Variants in CDYL observed in about 807,000 individuals in gnomAD.
CDYL encodes chromodomain Y like.
In CDYL, 8 loss-of-function variants were observed where a neutral mutation model predicts 47.3. The ratio of observed to expected loss-of-function variants is 0.17; its 90% CI spans 0.10 to 0.31. The LOEUF (loss-of-function observed/expected upper bound fraction) is 0.31. CDYL is among the 10% of genes least tolerant of loss of function. CDYL has a pLI of 1.00. For missense variants in CDYL, 471 were observed against 701.4 expected, an observed-to-expected ratio of 0.67 and a Z score of 3.71; for synonymous variants, 266 against 265.0, an observed-to-expected ratio of 1.00 and a Z score of -0.04.
intron 2 of CDYL, among the ~76,000 whole-genome samples, chr6:4,922,905 C>T (rs776014860): frequency 3.3e-5 from 5 of 152,174 alleles, no homozygotes; most frequent in African/African-American, 7.2e-5. Context: ...CCAGAGTCCT[C>T]GGGTGCCTGC....
chr6:4,905,844 T>C (rs1561700987), intron 2 of CDYL, among the ~76,000 whole-genome samples: 1 of 152,236 alleles, frequency 6.6e-6, no homozygotes, highest in Non-Finnish European at 1.5e-5. Context: ...ATTTGTAACA[T>C]GCATAGATTG....
chr6:4,812,337 A>C (rs1035196812), intron 1 of CDYL, among the ~76,000 whole-genome samples: 1 of 152,178 alleles, frequency 6.6e-6, no homozygotes, highest in Admixed American at 6.5e-5. Context: ...GAAGGACATT[A>C]AGGTTGTCTG....
chr6:4,773,107 G>A (rs1008869282), upstream of CDYL: 4 of 457,206 alleles, frequency 8.7e-6, no homozygotes, highest in South Asian at 1.5e-5. This position sits in a 1 kb window ranked among gnomAD's most constrained non-coding sequence, Gnocchi z 4.6. Flanking sequence ...ACTTGCCATC[G>A]ATGATCAATT....
At chr6:4,866,234 G>T (rs1661106111) in intron 1 of CDYL, among the ~76,000 whole-genome samples, 1 of 152,148 alleles carries the variant, frequency 6.6e-6, no homozygotes, top group Non-Finnish European at 1.5e-5. Flanking sequence ...AGTGAATACA[G>T]TTAAAGGAAA....
chr6:4,872,154 C>T (rs1252338302), intron 1 of CDYL, among the ~76,000 whole-genome samples: 3 of 152,128 alleles, frequency 2.0e-5, no homozygotes, highest in African/African-American at 7.2e-5. Flanking sequence ...TGGAAATACT[C>T]ATTCTTGTTA....
chr6:4,824,742 T>A (rs1269086288), intron 1 of CDYL, among the ~76,000 whole-genome samples: 1 of 151,996 alleles, frequency 6.6e-6, no homozygotes, highest in Non-Finnish European at 1.5e-5. Flanking sequence ...TTTTTTTTTC[T>A]TTTGCTGTTC....
intron 1 of CDYL, among the ~76,000 whole-genome samples, chr6:4,871,945 C>T (rs975445535): frequency 4.6e-5 from 7 of 152,204 alleles, no homozygotes; most frequent in African/African-American, 9.7e-5. Context: ...TCCATAACAT[C>T]GCCCAGGATC....
chr6:4,732,422 G>A (rs1044229745), intron 2 of CDYL, among the ~76,000 whole-genome samples: 1 of 152,142 alleles, frequency 6.6e-6, no homozygotes, highest in Non-Finnish European at 1.5e-5. Flanking sequence ...GGGAGGCAGA[G>A]GCTGGAGGAT....
At chr6:4,929,525 C>CACACACACAT (rs1017452970) in intron 2 of CDYL, among the ~76,000 whole-genome samples, 5 of 147,774 alleles carry the variant, frequency 3.4e-5, no homozygotes, top group African/African-American at 1.1e-4. Context: ...CACACACACA[C>CACACACACAT]ATACATACAC....
chr6:4,789,282 G>A (rs1481969386), intron 1 of CDYL, among the ~76,000 whole-genome samples: 1 of 152,068 alleles, frequency 6.6e-6, no homozygotes, highest in African/African-American at 2.4e-5. Context: ...CGCCATGTTG[G>A]CCAGGCTGGT....
At chr6:4,900,688 A>G (rs540042262) in intron 2 of CDYL, among the ~76,000 whole-genome samples, 3 of 149,668 alleles carry the variant, frequency 2.0e-5, no homozygotes, top group South Asian at 2.1e-4. Context: ...AGAAATTGCT[A>G]TCTCATTGTT....
chr6:4,939,307 T>TC (rs923948773), intron 4 of CDYL, among the ~76,000 whole-genome samples: 13 of 152,186 alleles, frequency 8.5e-5, no homozygotes, highest in African/African-American at 2.9e-4. Flanking sequence ...TCTGTTTTGT[T>TC]GAGTCTGGGG....
intron 3 of CDYL, among the ~76,000 whole-genome samples, chr6:4,744,540 C>G (rs1432310840): frequency 6.6e-6 from 1 of 151,990 alleles, no homozygotes; most frequent in African/African-American, 2.4e-5. Context: ...AAAGAGAGTG[C>G]ATGTTGAAAT....
rs1758450462 is a variant in CDYL at position 4,776,444 on chromosome 6, GAGCCGCGATCC to G, written c.-339_-329del. ...GCTTTCTGCACTACACCGGAGAGGGGAGCCGCGATCCGGCCGCGCCGCCCGCACGCCGCCGC... is the reference window on the plus strand; with the variant it reads ...GCTTTCTGCACTACACCGGAGAGGGGGGCCGCGCCGCCCGCACGCCGCCGC... On this transcript the variant is annotated 5_prime_UTR_variant, in exon 1 of 7. Coordinates refer to ENST00000397588, the MANE Select transcript of CDYL (RefSeq NM_004824.4). 1 of 145,554 alleles carries G rather than the reference GAGCCGCGATCC, an allele frequency of 6.9e-6. No homozygotes were observed. Among genetic ancestry groups the G allele is most frequent in the Non-Finnish European group, 1.5e-5 (1 of 65,396 alleles). The allele number at this position is 145,554 out of a possible 1,614,324, so 9.0% of individuals were successfully genotyped here. A position where few individuals can be genotyped will look rare whatever the true frequency, so the allele number is the denominator to read the frequency against.
intron 1 of CDYL, among the ~76,000 whole-genome samples, chr6:4,832,305 A>G (rs1293365646): frequency 6.6e-6 from 1 of 152,052 alleles, no homozygotes; most frequent in Non-Finnish European, 1.5e-5. Context: ...AGTTTTGTCA[A>G]AGGCCTTTTC....
intron 2 of CDYL, chr6:4,734,647 C>CGGTG: frequency 2.3e-6 from 3 of 1,332,042 alleles, no homozygotes; most frequent in Admixed American, 2.7e-5. Flanking sequence ...ACTCCTAATT[C>CGGTG]AGGAAGGGGA....
At position 4,891,801 on chromosome 6, in the gene CDYL, C is replaced by G; in HGVS notation, c.113C>G (p.Thr38Ser). The G allele has an allele frequency of 6.2e-7, 1 of 1,614,158 alleles. No individual in the cohort carries two copies. Among genetic ancestry groups the G allele is most frequent in the East Asian group, 2.2e-5 (1 of 44,884 alleles). The change falls in exon 2 of 7, where the codon ACT becomes AGT. Residue 38 changes from threonine (T) to serine (S), a missense_variant. By Grantham distance (58) the Thr-to-Ser change is moderately conservative. Around this residue, in one of 3 missense-constraint regions of CDYL, gnomAD observed 311 missense variants for 350.0 expected, o/e 0.89. Transcript: ENST00000397588. The stretch of plus-strand genomic sequence containing the variant: ...AAAGGCTATGACAGCGAGGACGACA[C>G]TTGGGAGCCGGAACAGCACCTCGTG... ...RWKGYDSEDDTWEPEQHLVNC... is the reference protein window; with the variant it reads ...RWKGYDSEDDSWEPEQHLVNC...
chr6:4,897,973 C>T lies in CDYL; in HGVS notation c.691+5594C>T, dbSNP rs188282632. ...TCGGGAGGCTGAGGCAGGAGAAAGG[C>T]GTGAACCCAGGAGGCAAGAGGTTGC... On this transcript the variant is annotated intron_variant, in intron 2 of 6. Coordinates refer to ENST00000397588, the MANE Select transcript of CDYL (RefSeq NM_004824.4). Among the ~76,000 whole-genome samples, 678 of 151,914 alleles carry T rather than the reference C, an allele frequency of 4.5e-3. 2 individuals carry two copies. Among genetic ancestry groups the T allele is most frequent in the Non-Finnish European group, 6.8e-3 (465 of 67,948 alleles).
At chr6:4,752,912 A>ATGTAGGTAGG (rs1561836823) in intron 3 of CDYL, among the ~76,000 whole-genome samples, 2 of 149,450 alleles carry the variant, frequency 1.3e-5, no homozygotes, top group African/African-American at 5.1e-5. Flanking sequence ...AGGTAGGTAG[A>ATGTAGGTAGG]TAGATAGATA....
Sources: allele counts gnomAD v4.1 joint callset (sites outside exome capture counted in the v4.1 genomes callset), GRCh38; gene constraint gnomAD v4.1.1; regional missense constraint gnomAD v4.1.1; non-coding constraint Gnocchi (gnomAD v3.1); transcripts MANE v1.5; gene names NCBI Gene and HGNC (gene_info 2026-07-23, HGNC 2026-07-21).